The following RALGPS1 variants were observed in gnomAD, a reference collection of about 807,000 sequenced individuals.
RALGPS1 encodes Ral GEF with PH domain and SH3 binding motif 1, also known as ras-specific guanine nucleotide-releasing factor RalGPS1.
In RALGPS1, 19 loss-of-function variants were observed where a neutral mutation model predicts 78.8. The ratio of observed to expected loss-of-function variants is 0.24; its 90% CI spans 0.17 to 0.35. RALGPS1 has a LOEUF of 0.35. RALGPS1 is among the 10% of genes least tolerant of loss of function. The pLI is 1.00. For missense variants in RALGPS1, 454 were observed against 688.3 expected, an observed-to-expected ratio of 0.66 and a Z score of 3.81; for synonymous variants, 228 against 256.3, an observed-to-expected ratio of 0.89 and a Z score of 1.06.
chr9:127,193,829 C>T (rs2061208435), intron 11 of RALGPS1, among the ~76,000 whole-genome samples: 1 of 152,080 alleles, frequency 6.6e-6, no homozygotes, highest in Non-Finnish European at 1.5e-5. Flanking sequence ...AGCAGCTGAG[C>T]CCCTTTGTAG....
intron 8 of RALGPS1, among the ~76,000 whole-genome samples, chr9:127,070,427 C>G (rs181782513): frequency 6.6e-6 from 1 of 152,260 alleles, no homozygotes; most frequent in South Asian, 2.1e-4. Flanking sequence ...TGATAAATTC[C>G]TAGAAGTGTG....
intron 3 of RALGPS1, among the ~76,000 whole-genome samples, chr9:126,976,056 T>G (rs2040589066): frequency 6.6e-6 from 1 of 152,204 alleles, no homozygotes; most frequent in Non-Finnish European, 1.5e-5. Flanking sequence ...AGGAACCCAG[T>G]GACCTTGGAC....
At chr9:127,004,284 T>G (rs1303425917) in intron 4 of RALGPS1, among the ~76,000 whole-genome samples, 1 of 152,172 alleles carries the variant, frequency 6.6e-6, no homozygotes, top group African/African-American at 2.4e-5. Context: ...CAGCTGGGAT[T>G]ACAGGCACCC....
intron 4 of RALGPS1, among the ~76,000 whole-genome samples, chr9:127,016,089 C>T (rs1193676102): frequency 6.6e-6 from 1 of 151,822 alleles, no homozygotes; most frequent in Non-Finnish European, 1.5e-5. Flanking sequence ...CCCATCTGTT[C>T]CCAGGCTCCC....
At chr9:127,134,605 C>T (rs928992362) in intron 8 of RALGPS1, among the ~76,000 whole-genome samples, 6 of 152,126 alleles carry the variant, frequency 3.9e-5, no homozygotes, top group South Asian at 2.1e-4. Flanking sequence ...ATGAGGAAAC[C>T]GAGCCCTAGA....
intron 8 of RALGPS1, among the ~76,000 whole-genome samples, chr9:127,134,013 C>CCG (rs2057217191): frequency 6.6e-6 from 1 of 151,538 alleles, no homozygotes; most frequent in Non-Finnish European, 1.5e-5. Flanking sequence ...CGCTCCCCCC[C>CCG]CCGTGAATGC....
chr9:126,970,514 G>T (rs905414425), intron 3 of RALGPS1, among the ~76,000 whole-genome samples: 1 of 152,164 alleles, frequency 6.6e-6, no homozygotes, highest in Non-Finnish European at 1.5e-5. Flanking sequence ...GCAACTAGGG[G>T]GTCCCTTCTA....
At chr9:127,035,248 T>A (rs560812313) in intron 5 of RALGPS1, among the ~76,000 whole-genome samples, 2 of 152,294 alleles carry the variant, frequency 1.3e-5, no homozygotes, top group African/African-American at 4.8e-5. Context: ...ACCTTTTAAA[T>A]TGAATTTTCT....
intron 7 of RALGPS1, among the ~76,000 whole-genome samples, chr9:127,060,570 A>G (rs572116827): frequency 1.6e-4 from 25 of 152,132 alleles, no homozygotes; most frequent in African/African-American, 6.0e-4. Flanking sequence ...CTTCTTGACT[A>G]TTCTCGAATG....
chr9:127,161,534 C>T (rs1471322003), intron 8 of RALGPS1, among the ~76,000 whole-genome samples: 1 of 152,184 alleles, frequency 6.6e-6, no homozygotes, highest in African/African-American at 2.4e-5. Context: ...GAAGGACCCG[C>T]AGGACTGGGT....
chr9:127,072,378 A>G (rs183500838), intron 8 of RALGPS1, among the ~76,000 whole-genome samples: 4 of 152,186 alleles, frequency 2.6e-5, no homozygotes, highest in Admixed American at 2.0e-4. Flanking sequence ...ACGTCCAGCT[A>G]ATTTTTTTGT....
At chr9:126,949,306 A>C (rs995778904) in intron 1 of RALGPS1, among the ~76,000 whole-genome samples, 1 of 152,222 alleles carries the variant, frequency 6.6e-6, no homozygotes, top group Non-Finnish European at 1.5e-5. Context: ...AGCATGATTT[A>C]TAGTCCTTTG....
intron 11 of RALGPS1, among the ~76,000 whole-genome samples, chr9:127,177,035 C>T (rs545173598): frequency 6.6e-6 from 1 of 152,336 alleles, no homozygotes; most frequent in East Asian, 1.9e-4. Context: ...CTCTTGGCTT[C>T]TTTATGGCAC....
intron 7 of RALGPS1, among the ~76,000 whole-genome samples, chr9:127,062,510 C>A (rs984032226): frequency 2.0e-5 from 3 of 152,108 alleles, no homozygotes; most frequent in African/African-American, 7.2e-5. Flanking sequence ...GATATTACAA[C>A]CGTATCAAAA....
At chr9:127,108,711 T>C (rs773496191) in intron 8 of RALGPS1, 3 of 1,609,246 alleles carry the variant, frequency 1.9e-6, no homozygotes, top group Non-Finnish European at 2.5e-6. Flanking sequence ...GCCACCAGCA[T>C]GTCACGCACA....
Position 127,212,015 on chromosome 9 carries a change from C to A in RALGPS1, c.1248-116C>A, listed in dbSNP as rs538954487. 26 of 793,678 alleles carry A rather than the reference C, an allele frequency of 3.3e-5. No individual in the cohort carries two copies. The African/African-American group carries it at 4.2e-4, about 13-fold the overall frequency. 49.2% of individuals were successfully genotyped at this position (793,678 alleles called of 1,614,324 possible). ...CGGGCCTTGCTCTGCGCCGTTAAGT[C>A]TGGACTGCTGGGATGTCATGGACTT... On this transcript the variant is annotated intron_variant, in intron 14 of 18. Coordinates refer to ENST00000259351, the MANE Select transcript of RALGPS1 (RefSeq NM_014636.3). This position sits in a 1 kb window ranked among gnomAD's most constrained non-coding sequence, Gnocchi z 6.0.
chr9:127,174,611 A>G (rs764006413), intron 10 of RALGPS1, 104 bp from the exon 11 acceptor site: 5 of 978,678 alleles, frequency 5.1e-6, no homozygotes, highest in Admixed American at 1.7e-5. Flanking sequence ...CAGATCTCAC[A>G]GTATTCCTGG....
chr9:127,048,411 C>T (rs1279435569), intron 5 of RALGPS1, among the ~76,000 whole-genome samples: 2 of 152,194 alleles, frequency 1.3e-5, no homozygotes, highest in African/African-American at 2.4e-5. Context: ...CTTCCATGGC[C>T]ACTATTACCA....
intron 7 of RALGPS1, among the ~76,000 whole-genome samples, chr9:127,060,192 TG>T (rs1191070942): frequency 2.6e-5 from 4 of 152,104 alleles, no homozygotes; most frequent in Admixed American, 6.5e-5. Context: ...CAGGTATTGC[TG>T]CATCAAAAAG....
Sources: allele counts gnomAD v4.1 joint callset (sites outside exome capture counted in the v4.1 genomes callset), GRCh38; gene constraint gnomAD v4.1.1; non-coding constraint Gnocchi (gnomAD v3.1); transcripts MANE v1.5; gene names NCBI Gene and HGNC (gene_info 2026-07-23, HGNC 2026-07-21).